The following MTMR7 variants were observed in gnomAD, a reference collection of about 807,000 sequenced individuals.
MTMR7 encodes phosphatidylinositol-3-phosphate phosphatase MTMR7.
In MTMR7, 76 loss-of-function variants were observed where a neutral mutation model predicts 81.2. That is an observed-to-expected ratio of 0.94 (90% CI 0.78 to 1.13). The LOEUF (loss-of-function observed/expected upper bound fraction) is 1.13. Among genes scored for constraint, MTMR7 ranks in the 50% most tolerant of loss-of-function variants. The probability of loss-of-function intolerance (pLI) is 0.00; values close to 1 mark genes in which losing one functional copy is unlikely to be tolerated. For missense variants in MTMR7, 1,044 were observed against 820.0 expected (o/e 1.27, Z -3.34); for synonymous variants, 372 against 289.8 (o/e 1.28, Z -2.88).
chr8:17,303,597 C>G (rs11786260), intron 12 of MTMR7, among the ~76,000 whole-genome samples: 1 of 141,484 alleles, frequency 7.1e-6, no homozygotes, highest in African/African-American at 2.8e-5. Flanking sequence ...CCCATTCTCC[C>G]CATACATACA....
intron 6 of MTMR7, among the ~76,000 whole-genome samples, chr8:17,337,320 G>A (rs1202597884): frequency 4.0e-5 from 6 of 149,402 alleles, no homozygotes; most frequent in African/African-American, 1.2e-4. Context: ...ATCCGAGATC[G>A]TGCCACTGAG....
chr8:17,311,487 G>T, intron 9 of MTMR7, 24 bp downstream of exon 9: 1 of 1,613,814 alleles, frequency 6.2e-7, no homozygotes, highest in Non-Finnish European at 8.5e-7. Flanking sequence ...CCGCCTGTGG[G>T]AATCGCCCAG....
intron 1 of MTMR7, among the ~76,000 whole-genome samples, chr8:17,396,762 G>C (rs1821265887): frequency 6.6e-6 from 1 of 151,964 alleles, no homozygotes; most frequent in Admixed American, 6.6e-5. Context: ...CTAAGGGAAT[G>C]CTTGTGCCAC....
chr8:17,333,618 G>A (rs941597834), intron 6 of MTMR7, among the ~76,000 whole-genome samples: 6 of 152,200 alleles, frequency 3.9e-5, no homozygotes, highest in Admixed American at 1.3e-4. Context: ...GGGAGGCAGA[G>A]GTGGGGAGAT....
At chr8:17,363,752 C>T (rs1820129438) in intron 3 of MTMR7, among the ~76,000 whole-genome samples, 1 of 152,106 alleles carries the variant, frequency 6.6e-6, no homozygotes, top group Non-Finnish European at 1.5e-5. Flanking sequence ...ATACAGCCTG[C>T]AGACTCTGCC....
At chr8:17,344,982 C>G (rs779888302) in intron 5 of MTMR7, among the ~76,000 whole-genome samples, 5 of 151,956 alleles carry the variant, frequency 3.3e-5, no homozygotes, top group African/African-American at 9.7e-5. Flanking sequence ...AAAATCCTAG[C>G]GTAATAAAGA....
chr8:17,307,177 TCAAA>T (rs1817507399), intron 10 of MTMR7, among the ~76,000 whole-genome samples: 1 of 151,616 alleles, frequency 6.6e-6, no homozygotes, highest in African/African-American at 2.4e-5. Context: ...TAAAATGAAC[TCAAA>T]CAAATTTACA....
At chr8:17,332,696 A>T (rs1819068090) in intron 6 of MTMR7, among the ~76,000 whole-genome samples, 1 of 152,242 alleles carries the variant, frequency 6.6e-6, no homozygotes, top group Non-Finnish European at 1.5e-5. Flanking sequence ...ACAAAATCAT[A>T]TAGGTCGAAC....
At position 17,300,087 on chromosome 8, in the gene MTMR7, C is replaced by A. The variant is rs1817012375; in HGVS notation, c.1758G>T (p.Met586Ile). The A allele has an allele frequency of 3.7e-6, 6 of 1,614,024 alleles. No individual in the cohort carries two copies. Among genetic ancestry groups the A allele is most frequent in the African/African-American group, 2.7e-5 (2 of 74,918 alleles). ...ANTPQDYSGN[M>I]KSFPSRSPSQ... ...AAGGGCTCCGGGATGGAAATGATTTCATATTCCCACTGTAATCCTGGGGAG... is the reference window on the plus strand; with the variant it reads ...AAGGGCTCCGGGATGGAAATGATTTAATATTCCCACTGTAATCCTGGGGAG... The change falls in exon 14 of 14, where the codon ATG becomes ATT. Residue 586 changes from methionine to isoleucine, a missense_variant. Physicochemically the swap from Met to Ile is conservative, Grantham distance 10. Coordinates refer to ENST00000180173, the MANE Select transcript of MTMR7 (RefSeq NM_004686.5).
At chr8:17,307,803 C>T (rs1027488401) in intron 10 of MTMR7, among the ~76,000 whole-genome samples, 1 of 151,540 alleles carries the variant, frequency 6.6e-6, no homozygotes, top group African/African-American at 2.4e-5. Context: ...AACCAAACAC[C>T]ACATGTTCTC....
intron 9 of MTMR7, among the ~76,000 whole-genome samples, chr8:17,311,206 T>G (rs1439805783): frequency 6.6e-6 from 1 of 152,246 alleles, no homozygotes; most frequent in African/African-American, 2.4e-5. Context: ...GAAATACTTA[T>G]GAGCAAATGA....
At chr8:17,333,649 A>C (rs926923062) in intron 6 of MTMR7, among the ~76,000 whole-genome samples, 3 of 152,146 alleles carry the variant, frequency 2.0e-5, no homozygotes. Flanking sequence ...CAGGAGTTCA[A>C]GATCAGCCTG....
chr8:17,321,477 G>C (rs534230212), intron 7 of MTMR7, among the ~76,000 whole-genome samples: 21 of 152,376 alleles, frequency 1.4e-4, no homozygotes, highest in African/African-American at 4.6e-4. Flanking sequence ...TAACCACTGA[G>C]AGGGTGTTTT....
rs555647446 is a variant in MTMR7, at chr8:17,304,854, G to A, written c.1353-335C>T. 9.2e-5 allele frequency among the ~76,000 whole-genome samples: 14 copies of A among 151,594 alleles called. No individual in the cohort carries two copies. In the East Asian group the frequency reaches 2.3e-3, roughly 25 times the overall value. On this transcript the variant is annotated intron_variant, in intron 11 of 13. Coordinates refer to ENST00000180173, the MANE Select transcript of MTMR7 (RefSeq NM_004686.5). ...TCACACACTATTCTAAATGTTCCAC[G>A]TTTTCTCTCATTTAATCCTCACTGA...
intron 1 of MTMR7, among the ~76,000 whole-genome samples, chr8:17,402,532 C>T (rs1821457174): frequency 6.6e-6 from 1 of 152,202 alleles, no homozygotes; most frequent in Non-Finnish European, 1.5e-5. Flanking sequence ...CTGTAGCTGG[C>T]TTCTTTCACT....
At chr8:17,399,406 C>G (rs1211300262) in intron 1 of MTMR7, among the ~76,000 whole-genome samples, 5 of 151,838 alleles carry the variant, frequency 3.3e-5, no homozygotes, top group African/African-American at 1.2e-4. Flanking sequence ...TATAAAATAC[C>G]TAGGAAACAA....
rs572563334 is a variant in MTMR7, at chr8:17,387,397, G to C, written c.25-14157C>G. On this transcript the variant is annotated intron_variant, in intron 1 of 13. Transcript: ENST00000180173. ...ATAGACTCACAATCCAAGAAGTTTA[G>C]ACAGACCCAGGGGAGCTACTGGTAG... is the stretch of plus-strand genomic sequence containing the variant. Among the ~76,000 whole-genome samples the C allele has an allele frequency of 5.9e-5, 9 of 152,294 alleles. No homozygotes were observed. In the South Asian group the frequency reaches 1.9e-3, roughly 32 times the overall value.
intron 6 of MTMR7, among the ~76,000 whole-genome samples, chr8:17,340,596 C>T (rs1819378763): frequency 6.6e-6 from 1 of 152,108 alleles, no homozygotes. Flanking sequence ...CACTGATTCT[C>T]CTTAAAAACA....
chr8:17,370,939 G>A, intron 3 of MTMR7, 98 bp downstream of exon 3: 1 of 1,226,878 alleles, frequency 8.2e-7, no homozygotes, highest in Non-Finnish European at 1.2e-6. Flanking sequence ...CATAATCCCT[G>A]AACCCCTATC....
Sources: gnomAD v4.1 joint callset for allele counts (sites outside exome capture counted in the v4.1 genomes callset) on GRCh38, gnomAD v4.1.1 for gene constraint, MANE v1.5 for transcripts, NCBI Gene and HGNC (gene_info 2026-07-23, HGNC 2026-07-21) for gene names.